The following CNOT9 variants were observed in gnomAD, a reference collection of about 807,000 sequenced individuals.
The protein encoded by CNOT9 is RCD1 required for cell differentiation1 homolog.
In CNOT9, 8 loss-of-function variants were observed where a neutral mutation model predicts 37.4. That is an observed-to-expected ratio of 0.21 (90% CI 0.13 to 0.39). The LOEUF (loss-of-function observed/expected upper bound fraction) is 0.39, where lower values mean the gene tolerates loss of function less well. Ranked by LOEUF, CNOT9 falls within the 10% of genes least tolerant of loss-of-function variation. The probability of loss-of-function intolerance (pLI) is 1.00; values close to 1 mark genes in which losing one functional copy is unlikely to be tolerated. For synonymous variants in CNOT9, 120 were observed against 137.6 expected (o/e 0.87, Z 0.90); for missense variants, 154 against 365.3 (o/e 0.42, Z 4.71).
chr2:218,590,078 T>G (rs629177), intron 5 of CNOT9, among the ~76,000 whole-genome samples: 100,043 of 151,184 alleles, frequency 0.66, 33,534 homozygotes, highest in East Asian at 0.9. Flanking sequence ...TGTTGTTGTT[T>G]TTTGTTTTTG....
intron 5 of CNOT9, among the ~76,000 whole-genome samples, chr2:218,588,694 G>A (rs1421853582): frequency 3.8e-5 from 5 of 131,928 alleles, no homozygotes; most frequent in African/African-American, 2.8e-5. Context: ...AGCCTCCCAC[G>A]TAGCTGGGAC....
At chr2:218,578,076 A>G (rs888482923) in intron 1 of CNOT9, among the ~76,000 whole-genome samples, 4 of 152,250 alleles carry the variant, frequency 2.6e-5, no homozygotes, top group Admixed American at 2.6e-4. Context: ...AGAAAGGGCA[A>G]GTGCCTGAAC....
Position 218,582,676 on chromosome 2 carries a change from C to T in CNOT9, c.205-295C>T, listed in dbSNP as rs1167407993. ...CTGCACTCCAGCCCGGGTAACAGAG[C>T]GAGACTCCGTCTCAAAAAAAAAAAT... On this transcript the variant is annotated intron_variant, in intron 2 of 7. Transcript: ENST00000273064. Among the ~76,000 whole-genome samples, 4 of 150,644 alleles carry T rather than the reference C, an allele frequency of 2.7e-5. No homozygotes were observed. In the East Asian group the frequency reaches 5.9e-4, roughly 22 times the overall value.
intron 7 of CNOT9, among the ~76,000 whole-genome samples, chr2:218,593,257 C>T (rs1336875902): frequency 1.3e-5 from 2 of 152,212 alleles, no homozygotes; most frequent in African/African-American, 2.4e-5. Context: ...TCATATTCTG[C>T]TAAACCACGT....
intron 4 of CNOT9, among the ~76,000 whole-genome samples, chr2:218,586,936 C>T (rs1694614774): frequency 6.6e-6 from 1 of 152,182 alleles, no homozygotes; most frequent in Non-Finnish European, 1.5e-5. Context: ...AATATCCAAA[C>T]ATTTCTTTAA....
chr2:218,580,984 A>G (rs1406972837), intron 2 of CNOT9: 2 of 586,304 alleles, frequency 3.4e-6, no homozygotes, highest in African/African-American at 1.8e-5. Flanking sequence ...AAGCACTTTC[A>G]CCTCCCCCAG....
At chr2:218,573,127 G>A (rs1694054216) in intron 1 of CNOT9, among the ~76,000 whole-genome samples, 1 of 152,074 alleles carries the variant, frequency 6.6e-6, no homozygotes, top group Admixed American at 6.6e-5. Context: ...AGACCAGCCT[G>A]GCCAACGTAG....
intron 1 of CNOT9, among the ~76,000 whole-genome samples, chr2:218,579,376 C>T (rs1465322336): frequency 5.3e-5 from 8 of 152,142 alleles, no homozygotes; most frequent in Non-Finnish European, 8.8e-5. Context: ...TACTTAGTAT[C>T]AATATACAGT....
chr2:218,591,658 A>G (rs1355673902), intron 5 of CNOT9, among the ~76,000 whole-genome samples: 1 of 151,936 alleles, frequency 6.6e-6, no homozygotes, highest in Non-Finnish European at 1.5e-5. Flanking sequence ...CAGGAGAATC[A>G]GTTGAACCAG....
intron 3 of CNOT9, among the ~76,000 whole-genome samples, chr2:218,584,320 G>T (rs57516565): frequency 0.022 from 3,282 of 152,238 alleles, 116 homozygotes; most frequent in African/African-American, 0.073. Context: ...TGCATTGTAG[G>T]ATGTTTAATG....
chr2:218,579,397 C>G (rs1370000741), intron 1 of CNOT9, among the ~76,000 whole-genome samples: 5 of 152,136 alleles, frequency 3.3e-5, no homozygotes, highest in Non-Finnish European at 7.4e-5. Flanking sequence ...ATATAGAGAG[C>G]TGCTTCTTTT....
rs1052986066 is a variant in CNOT9 at position 218,572,322 on chromosome 2, T to TA, written c.24+3353dup. ...GGAGACAAGAGCAAGACTCCATCTT[T>TA]AAAAAAAAATGAAAGAAAGAATAAC... On this transcript the variant is annotated intron_variant, in intron 1 of 7. Coordinates refer to ENST00000273064, the MANE Select transcript of CNOT9 (RefSeq NM_005444.3). Among the ~76,000 whole-genome samples the TA allele has an allele frequency of 6.0e-5, 9 of 151,190 alleles. No homozygotes were observed. In the South Asian group the frequency reaches 6.3e-4, roughly 11 times the overall value.
chr2:218,572,229 G>A (rs1319353443), intron 1 of CNOT9, among the ~76,000 whole-genome samples: 1 of 152,082 alleles, frequency 6.6e-6, no homozygotes, highest in Non-Finnish European at 1.5e-5. Context: ...GCTGAGGCGG[G>A]AGAATCACTT....
intron 1 of CNOT9, among the ~76,000 whole-genome samples, chr2:218,571,970 C>T (rs747960350): frequency 4.0e-5 from 6 of 151,848 alleles, no homozygotes; most frequent in Non-Finnish European, 5.9e-5. Flanking sequence ...TTTTTTCTCT[C>T]CTCTAATAAA....
chr2:218,590,283 A>G (rs1694730151), intron 5 of CNOT9, among the ~76,000 whole-genome samples: 1 of 152,160 alleles, frequency 6.6e-6, no homozygotes, highest in African/African-American at 2.4e-5. Context: ...AGCCCATGCT[A>G]GTCTTGAACT....
intron 1 of CNOT9, chr2:218,573,755 T>A (rs1694076282): frequency 5.4e-6 from 1 of 186,628 alleles, no homozygotes; most frequent in Non-Finnish European, 1.1e-5. Context: ...CAGTACCCTG[T>A]GTGACACTTG....
rs886983190 is a variant in CNOT9, at chr2:218,583,365, G to C, written c.320+279G>C. Reference sequence around the variant, plus strand: ...TGTTCACATTACAGGAAAGGTATCAGGCATACAGCTACTTCTCACTCCCTG... The same window carrying C: ...TGTTCACATTACAGGAAAGGTATCACGCATACAGCTACTTCTCACTCCCTG... On this transcript the variant is annotated intron_variant, in intron 3 of 7. Transcript: ENST00000273064. Among the ~76,000 whole-genome samples the C allele has an allele frequency of 6.6e-5, 10 of 151,884 alleles. No individual in the cohort carries two copies. The East Asian group carries it at 1.7e-3, about 26-fold the overall frequency.
intron 2 of CNOT9, among the ~76,000 whole-genome samples, chr2:218,581,585 T>C (rs1022403891): frequency 9.9e-5 from 15 of 152,184 alleles, no homozygotes; most frequent in Non-Finnish European, 2.9e-5. Flanking sequence ...GGTGGCTAAT[T>C]AACTGATATG....
At chr2:218,585,224 TTTTG>T (rs1694548847) in intron 4 of CNOT9, among the ~76,000 whole-genome samples, 1 of 100,402 alleles carries the variant, frequency 1.0e-5, no homozygotes, top group African/African-American at 3.8e-5. Flanking sequence ...CACTGTCTTT[TTTTG>T]TTTGTTTGTC....
Sources: gnomAD v4.1 joint callset for allele counts (sites outside exome capture counted in the v4.1 genomes callset) on GRCh38, gnomAD v4.1.1 for gene constraint, MANE v1.5 for transcripts, NCBI Gene and HGNC (gene_info 2026-07-23, HGNC 2026-07-21) for gene names.